Variants in SPDYE4 observed in about 807,000 individuals in gnomAD.
The protein encoded by SPDYE4 is speedy/RINGO cell cycle regulator family member E4.
SPDYE4 carries 30 observed loss-of-function variants against 37.5 expected under a neutral mutation model. The ratio of observed to expected loss-of-function variants is 0.80; its 90% confidence interval spans 0.60 to 1.09. The LOEUF (loss-of-function observed/expected upper bound fraction) is 1.09. SPDYE4 is among the 50% of genes least tolerant of loss of function. The pLI, the probability that SPDYE4 is intolerant of heterozygous loss-of-function variation, is 0.00. For missense variants in SPDYE4, 300 were observed against 307.9 expected (o/e 0.97, Z 0.19); for synonymous variants, 131 against 120.3 (o/e 1.09, Z -0.58).
downstream of SPDYE4, among the ~76,000 whole-genome samples, chr17:8,750,591 T>C (rs2086721543): frequency 2.0e-5 from 3 of 151,958 alleles, no homozygotes; most frequent in Admixed American, 1.3e-4. Flanking sequence ...GTGCCTGTAG[T>C]CCCAGCTACT....
At chr17:8,754,207 A>G (rs2086753426) in intron 4 of SPDYE4, among the ~76,000 whole-genome samples, 1 of 152,246 alleles carries the variant, frequency 6.6e-6, no homozygotes, top group South Asian at 2.1e-4. Flanking sequence ...TCTTATAGGC[A>G]AATGCCATAT....
At chr17:8,748,359 G>C (rs746324636), downstream of SPDYE4, among the ~76,000 whole-genome samples, 4 of 152,218 alleles carry the variant, frequency 2.6e-5, no homozygotes, top group Non-Finnish European at 4.4e-5. Flanking sequence ...CCAGCAAGCT[G>C]ACTTTCAGCA....
chr17:8,748,963 T>C (rs1665351952), downstream of SPDYE4, among the ~76,000 whole-genome samples: 1 of 152,170 alleles, frequency 6.6e-6, no homozygotes, highest in Non-Finnish European at 1.5e-5. Context: ...CTTTCCCTCC[T>C]TCTAGGCTTG....
In SPDYE4 at chr17:8,758,335, C is replaced by A. The variant is rs1462248976; in HGVS notation, c.48G>T (p.Gln16His). ...ARPPFEEESP[Q>H]PSTTVRSPEV... is the part of the protein sequence containing the mutation. ...CGGGGGACCGTACCGTTGTGCTAGG[C>A]TGGGGGCTCTCCTCCTCAAACGGGG... Residue 16 changes from glutamine (Q) to histidine (H), a missense_variant, in exon 1 of 7, where the codon CAG becomes CAT. Transcript: ENST00000689094. 1 of 1,551,406 alleles carries A rather than the reference C, an allele frequency of 6.4e-7. No homozygotes were observed. The highest frequency in any genetic ancestry group is 1.4e-5 in the African/African-American group (1 of 72,992).
In SPDYE4 at chr17:8,757,410, C is replaced by T. The variant is rs771935325; in HGVS notation, c.192G>A (p.Glu64=). The T allele has an allele frequency of 3.4e-5, 54 of 1,591,984 alleles. No homozygotes were observed. The highest frequency in any genetic ancestry group is 4.5e-5 in the Non-Finnish European group (53 of 1,168,960). Residue 64 remains glutamate (E), a synonymous_variant, in exon 2 of 7, where the codon GAG becomes GAA. Transcript: ENST00000689094. ...KSEWSDESEE[E]LEEELELERA... ...GCTCCAACTCCAGCTCCTCCTCCAG[C>T]TCCTCCTCGGATTCGTCTGACCATT...
chr17:8,748,285 C>A (rs952955072), downstream of SPDYE4, among the ~76,000 whole-genome samples: 1 of 152,232 alleles, frequency 6.6e-6, no homozygotes, highest in South Asian at 2.1e-4. Flanking sequence ...AAAGAGACAG[C>A]TTGCTTTCTC....
Position 8,751,415 on chromosome 17 carries a change from A to G in SPDYE4, c.*867T>C, listed in dbSNP as rs1018221509. 6.6e-5 allele frequency among the ~76,000 whole-genome samples: 10 copies of G among 152,342 alleles called. No individual in the cohort carries two copies. Among genetic ancestry groups the G allele is most frequent in the African/African-American group, 2.4e-4 (10 of 41,588 alleles). On this transcript the variant is annotated 3_prime_UTR_variant, in exon 7 of 7. Coordinates refer to ENST00000689094, the MANE Select transcript of SPDYE4 (RefSeq NM_001394956.1). ...TATTGGACATGTTAGTATATATGGAAGGCATGTTAAAAATCACAACTGAAT... is the reference window on the plus strand; with the variant it reads ...TATTGGACATGTTAGTATATATGGAGGGCATGTTAAAAATCACAACTGAAT...
At position 8,755,517 on chromosome 17, in the gene SPDYE4, C is replaced by T. The variant is rs759198266; in HGVS notation, c.485+3G>A. On this transcript the variant is annotated splice_donor_region_variant and intron_variant, in intron 4 of 6. Coordinates refer to ENST00000689094, the MANE Select transcript of SPDYE4 (RefSeq NM_001394956.1). ...GACAGATGGGAAGAAGCAAACTACT[C>T]ACAGAGCCAGGAAGAAATGAATGCG... is the stretch of plus-strand genomic sequence containing the variant. 1 of 1,611,224 alleles carries T rather than the reference C, an allele frequency of 6.2e-7. No homozygotes were observed. The highest frequency in any genetic ancestry group is 1.1e-5 in the South Asian group (1 of 90,970).
downstream of SPDYE4, among the ~76,000 whole-genome samples, chr17:8,748,112 G>A (rs2086702817): frequency 6.6e-6 from 1 of 152,186 alleles, no homozygotes; most frequent in Middle Eastern, 3.2e-3. Context: ...CATGACATGT[G>A]GGAATTCTGG....
At chr17:8,757,052 T>G (rs1464151729) in intron 2 of SPDYE4, among the ~76,000 whole-genome samples, 2 of 152,076 alleles carry the variant, frequency 1.3e-5, no homozygotes, top group Non-Finnish European at 2.9e-5. Context: ...CATGAGCCAC[T>G]GCACCTGGCC....
chr17:8,748,117 T>C (rs1269994518), downstream of SPDYE4, among the ~76,000 whole-genome samples: 1 of 152,228 alleles, frequency 6.6e-6, no homozygotes, highest in Non-Finnish European at 1.5e-5. Flanking sequence ...CATGTGGGAA[T>C]TCTGGGAGAT....
chr17:8,754,688 A>G (rs374865807), intron 4 of SPDYE4, among the ~76,000 whole-genome samples: 5 of 152,322 alleles, frequency 3.3e-5, no homozygotes, highest in African/African-American at 7.2e-5. Context: ...AAAATGTCAC[A>G]TTATCCTAGG....
At position 8,753,454 on chromosome 17, in the gene SPDYE4, G is replaced by T. The variant is rs1284784689; in HGVS notation, c.521C>A (p.Ala174Asp). Reference protein sequence around the residue: ...LASDMEEDNQAPKQDIFSFLY... With the variant: ...LASDMEEDNQDPKQDIFSFLY... ...GAAGGAGAAGATGTCTTGTTTCGGG[G>T]CCTGGTTGTCCTCCTCCATGTCACT... The change falls in exon 5 of 7, where the codon GCC (alanine) becomes GAC (aspartate). Residue 174 changes from alanine (A) to aspartate (D), a missense_variant. Ala to Asp is a moderately radical substitution (Grantham distance 126, BLOSUM62 -2). Transcript: ENST00000689094. 8.7e-6 allele frequency: 14 copies of T among 1,613,280 alleles called. No homozygotes were observed. The highest frequency in any genetic ancestry group is 1.2e-5 in the Non-Finnish European group (14 of 1,179,730).
downstream of SPDYE4, among the ~76,000 whole-genome samples, chr17:8,749,950 G>A (rs1046865530): frequency 1.3e-5 from 2 of 152,196 alleles, no homozygotes; most frequent in Non-Finnish European, 2.9e-5. Context: ...AGCCATGCTT[G>A]TGGTTACACA....
chr17:8,752,981 A>T, intron 6 of SPDYE4, 113 bp downstream of exon 6: 1 of 926,328 alleles, frequency 1.1e-6, no homozygotes, highest in Non-Finnish European at 1.6e-6. Flanking sequence ...ATTTTTGTGG[A>T]GACGGGGTGT....
At chr17:8,750,259 G>A (rs551525572), downstream of SPDYE4, among the ~76,000 whole-genome samples, 45 of 152,244 alleles carry the variant, frequency 3.0e-4, 1 homozygote, top group South Asian at 2.9e-3. Flanking sequence ...CGTGGTGGCA[G>A]GCGCCTTTAA....
At position 8,758,457 on chromosome 17, in the gene SPDYE4, G is replaced by A. The variant is rs770155838; in HGVS notation, c.-75C>T. On this transcript the variant is annotated 5_prime_UTR_variant, in exon 1 of 7. The change creates a new upstream start codon in the 5' untranslated region. Transcript: ENST00000689094. ...TGTCCAAAGCCTTCTTCCAGACTCCGTTAGGACCCAGAAGAGTGCGTTTCT... is the reference window on the plus strand; with the variant it reads ...TGTCCAAAGCCTTCTTCCAGACTCCATTAGGACCCAGAAGAGTGCGTTTCT... The A allele has an allele frequency of 4.8e-5, 65 of 1,357,954 alleles. No individual in the cohort carries two copies. Among genetic ancestry groups the A allele is most frequent in the Non-Finnish European group, 6.2e-5 (60 of 970,506 alleles). 84.1% of individuals were successfully genotyped at this position (1,357,954 alleles called of 1,614,324 possible).
intron 4 of SPDYE4, among the ~76,000 whole-genome samples, chr17:8,755,016 A>AG (rs2086760175): frequency 2.6e-5 from 4 of 151,910 alleles, no homozygotes; most frequent in East Asian, 1.9e-4. Flanking sequence ...TGGGCAGTGA[A>AG]GGGGGGGTGG....
chr17:8,755,675 A>G (rs554566836), intron 3 of SPDYE4, 70 bp from the exon 4 acceptor site: 2 of 1,557,904 alleles, frequency 1.3e-6, no homozygotes, highest in Non-Finnish European at 1.8e-6. Context: ...TGGTGGAGAG[A>G]AGGGAACAGG....
Sources: allele counts gnomAD v4.1 joint callset (sites outside exome capture counted in the v4.1 genomes callset), GRCh38; gene constraint gnomAD v4.1.1; transcripts MANE v1.5; gene names NCBI Gene and HGNC (gene_info 2026-07-23, HGNC 2026-07-21).